Variants in MKI67 observed in about 807,000 individuals in gnomAD.
The protein encoded by MKI67 is marker of proliferation Ki-67, also known as proliferation marker protein Ki-67.
MKI67 carries 152 observed loss-of-function variants against 233.5 expected under a neutral mutation model. The observed-to-expected ratio is 0.65, with a 90% CI of 0.57 to 0.74. The LOEUF is 0.74. MKI67 is among the 30% of genes least tolerant of loss of function. MKI67 has a pLI of 0.00. For synonymous variants in MKI67, 1,465 were observed against 1,418.5 expected, an observed-to-expected ratio of 1.03 and a Z score of -0.74; for missense variants, 3,940 against 3,885.2, an observed-to-expected ratio of 1.01 and a Z score of -0.37.
intron 8 of MKI67, 36 bp downstream of exon 8, chr10:128,113,391 A>C: frequency 6.2e-7 from 1 of 1,608,806 alleles, no homozygotes; most frequent in South Asian, 1.1e-5. Context: ...TGTGTGAGCC[A>C]CTGGGCGTGA....
At chr10:128,114,515 T>G (rs1373016725) in intron 7 of MKI67, among the ~76,000 whole-genome samples, 1 of 152,240 alleles carries the variant, frequency 6.6e-6, no homozygotes, top group Non-Finnish European at 1.5e-5. Context: ...GAACTACCGC[T>G]ATGTTTAATG....
chr10:128,125,705 G>T lies in MKI67; in HGVS notation c.-38C>A. 1 of 1,555,054 alleles carries T rather than the reference G, an allele frequency of 6.4e-7. No individual in the cohort carries two copies. The highest frequency in any genetic ancestry group is 8.9e-7 in the Non-Finnish European group (1 of 1,127,660). On this transcript the variant is annotated 5_prime_UTR_variant, in exon 2 of 15. Transcript: ENST00000368654. This position sits in a 1 kb window ranked among gnomAD's most constrained non-coding sequence, Gnocchi z 5.3. ...AAGTTGAGTATAATCCGTAGGGGAAGGCCAGGTATAATCCGTAGGGGAAGG... is the reference window on the plus strand; with the variant it reads ...AAGTTGAGTATAATCCGTAGGGGAATGCCAGGTATAATCCGTAGGGGAAGG...
chr10:128,124,980 A>G (rs1238901796), intron 2 of MKI67, among the ~76,000 whole-genome samples: 1 of 152,060 alleles, frequency 6.6e-6, no homozygotes, highest in East Asian at 1.9e-4. Context: ...GGAAATGACC[A>G]CACGGGAAAT....
Position 128,107,000 on chromosome 10 carries a change from C to T in MKI67, c.4840G>A (p.Ala1614Thr). ...SMTNDKTAKV[A>T]CKSSQPDPDK... ...GGGTCTGGTTGTGAAGATTTGCAGG[C>T]TACTTTGGCAGTTTTATCGTTAGTC... Residue 1614 changes from alanine to threonine, a missense_variant, in exon 13 of 15, where the codon GCC becomes ACC. By Grantham distance (58) the Ala-to-Thr change is moderately conservative. Transcript: ENST00000368654. 6.2e-7 allele frequency: 1 copy of T among 1,612,988 alleles called. No homozygotes were observed. Among genetic ancestry groups the T allele is most frequent in the South Asian group, 1.1e-5 (1 of 91,024 alleles).
Position 128,115,981 on chromosome 10 carries a change from A to G in MKI67, c.427T>C (p.Tyr143His). The G allele has an allele frequency of 6.3e-7, 1 of 1,595,366 alleles. No individual in the cohort carries two copies. The highest frequency in any genetic ancestry group is 8.5e-7 in the Non-Finnish European group (1 of 1,173,276). ...ACTTTTCCTTCAGTGATTTTTGAATAGGCCTTGGAATCTTGAGCTTTCTCA... is the reference window on the plus strand; with the variant it reads ...ACTTTTCCTTCAGTGATTTTTGAATGGGCCTTGGAATCTTGAGCTTTCTCA... ...PDEKAQDSKA[Y>H]SKITEGKVSG... The change falls in exon 7 of 15, where the codon TAT (tyrosine) becomes CAT (histidine). Residue 143 changes from tyrosine to histidine, a missense_variant. By Grantham distance (83) the Tyr-to-His change is moderately conservative (BLOSUM62 2). Coordinates refer to ENST00000368654, the MANE Select transcript of MKI67 (RefSeq NM_002417.5).
At chr10:128,099,748 C>T (rs556545242) in intron 14 of MKI67, among the ~76,000 whole-genome samples, 12 of 152,190 alleles carry the variant, frequency 7.9e-5, no homozygotes, top group Non-Finnish European at 1.3e-4. Context: ...AAAAGCATGG[C>T]TACAAGCTTC....
intron 14 of MKI67, among the ~76,000 whole-genome samples, chr10:128,100,135 T>C (rs796593603): frequency 2.7e-4 from 41 of 152,342 alleles, no homozygotes; most frequent in African/African-American, 9.6e-4. Flanking sequence ...GGACCTTGTC[T>C]GGCACTGTCG....
intron 14 of MKI67, 76 bp from the exon 15 acceptor site, chr10:128,099,331 C>T: frequency 2.6e-6 from 3 of 1,144,496 alleles, no homozygotes; most frequent in Non-Finnish European, 3.8e-6. Flanking sequence ...CTCTGCAAAA[C>T]CCCAAAGGCT....
At chr10:128,119,401 G>A (rs566779895) in intron 4 of MKI67, 82 bp from the exon 5 acceptor site, 65 of 922,448 alleles carry the variant, frequency 7.0e-5, no homozygotes, top group Non-Finnish European at 1.1e-4. Flanking sequence ...TAATGTCCAA[G>A]GATCAACGAA....
chr10:128,106,037 G>A lies in MKI67; in HGVS notation c.5803C>T (p.Pro1935Ser), dbSNP rs1201781800. ...GTTTGTGGCCGTCTCTTGCTGCCAG[G>A]TAAATTTCCTAGCAGGTCCAGTTTC... is the stretch of plus-strand genomic sequence containing the variant. ...VEKLDLLGNL[P>S]GSKRRPQTPK... Residue 1935 changes from proline to serine, a missense_variant, in exon 13 of 15, where the codon CCT becomes TCT. Coordinates refer to ENST00000368654, the MANE Select transcript of MKI67 (RefSeq NM_002417.5). 6.8e-6 allele frequency: 11 copies of A among 1,613,962 alleles called. No homozygotes were observed. Among genetic ancestry groups the A allele is most frequent in the African/African-American group, 6.7e-5 (5 of 74,900 alleles).
Position 128,102,852 on chromosome 10 carries a change from G to A in MKI67, c.8988C>T (p.Phe2996=). The A allele has an allele frequency of 1.2e-6, 2 of 1,614,194 alleles. No individual in the cohort carries two copies. Among genetic ancestry groups the A allele is most frequent in the Non-Finnish European group, 1.7e-6 (2 of 1,180,036 alleles). The change falls in exon 13 of 15, where the codon TTC becomes TTT. Residue 2996 remains phenylalanine, a synonymous_variant. Transcript: ENST00000368654. ...KSNTSLPPLP[F]KRGGGKDGSV... ...TTCCATCTTTGCCACCTCCCCTCTTGAAGGGCAGTGGGGGCAGGGAAGTGT... is the reference window on the plus strand; with the variant it reads ...TTCCATCTTTGCCACCTCCCCTCTTAAAGGGCAGTGGGGGCAGGGAAGTGT...
At chr10:128,123,239 T>C in intron 2 of MKI67, 70 bp from the exon 3 acceptor site, 1 of 1,035,042 alleles carries the variant, frequency 9.7e-7, no homozygotes, top group Non-Finnish European at 1.5e-6. Flanking sequence ...TTTCCCAAAA[T>C]AAAACACAAT....
chr10:128,105,314 C>A lies in MKI67; in HGVS notation c.6526G>T (p.Gly2176Cys). The change falls in exon 13 of 15, where the codon GGT becomes TGT. Residue 2176 changes from glycine to cysteine, a missense_variant. By Grantham distance (159) the Gly-to-Cys change is radical. Transcript: ENST00000368654. ...QKLDPAASVT[G>C]SKRQPRTPKG... ...GGAGTTCTTGGCTGCCTCTTGCTACCAGTTACACTTGCTGCTGGGTCCAGT... is the reference window on the plus strand; with the variant it reads ...GGAGTTCTTGGCTGCCTCTTGCTACAAGTTACACTTGCTGCTGGGTCCAGT... 6.2e-7 allele frequency: 1 copy of A among 1,614,146 alleles called. No homozygotes were observed. Among genetic ancestry groups the A allele is most frequent in the South Asian group, 1.1e-5 (1 of 91,082 alleles).
In MKI67 at chr10:128,104,814, G is replaced by T; in HGVS notation, c.7026C>A (p.Cys2342Ter). The T allele has an allele frequency of 6.2e-7, 1 of 1,613,586 alleles. No individual in the cohort carries two copies. Residue 2342 changes from cysteine (C) to a stop codon, truncating the protein, a stop_gained, in exon 13 of 15, where the codon TGC becomes TGA. Coordinates refer to ENST00000368654, the MANE Select transcript of MKI67 (RefSeq NM_002417.5). LOFTEE classifies it high-confidence loss of function. ...CCACTGGGTCTGGTTGTGGAGATTT[G>T]CAGGCTATTTTGGTAGTTTTCTCAT... is the stretch of plus-strand genomic sequence containing the variant. ...TTDEKTTKIA[C>*]KSPQPDPVDT...
intron 5 of MKI67, among the ~76,000 whole-genome samples, chr10:128,117,016 T>A (rs959949823): frequency 2.0e-5 from 3 of 152,192 alleles, no homozygotes; most frequent in Non-Finnish European, 4.4e-5. Context: ...GAGCTAGTGG[T>A]CAGGATAAAA....
Position 128,107,711 on chromosome 10 carries a change from G to A in MKI67, c.4129C>T (p.Pro1377Ser), listed in dbSNP as rs1213762479. 3.7e-6 allele frequency: 6 copies of A among 1,613,706 alleles called. No individual in the cohort carries two copies. Among genetic ancestry groups the A allele is most frequent in the Non-Finnish European group, 5.1e-6 (6 of 1,179,884 alleles). ...GTTGGGGTGTCTGCTGATTCTGGTG[G>A]AGAAGATTCGCAGGGCATTTTAGTA... ...KTTKMPCESS[P>S]PESADTPTST... The change falls in exon 13 of 15, where the codon CCA becomes TCA. Residue 1377 changes from proline to serine, a missense_variant. Pro to Ser is a moderately conservative substitution (Grantham distance 74, BLOSUM62 -1). Transcript: ENST00000368654.
At position 128,103,960 on chromosome 10, in the gene MKI67, C is replaced by T. The variant is rs1369018612; in HGVS notation, c.7880G>A (p.Gly2627Glu). Residue 2627 changes from glycine to glutamate, a missense_variant, in exon 13 of 15, where the codon GGG becomes GAG. Coordinates refer to ENST00000368654, the MANE Select transcript of MKI67 (RefSeq NM_002417.5). The stretch of plus-strand genomic sequence containing the variant: ...TTCTTTGTGTGTGTGTGTGCTTTGC[C>T]CTGATGTTTGCGTGAGCCTCTCAAC... ...SAVERLTQTS[G>E]QSTHTHKEPA... 1.9e-6 allele frequency: 3 copies of T among 1,613,886 alleles called. No individual in the cohort carries two copies. The African/African-American group carries it at 4.0e-5, about 22-fold the overall frequency.
chr10:128,099,555 T>A (rs1240931079), intron 14 of MKI67, among the ~76,000 whole-genome samples: 1 of 152,188 alleles, frequency 6.6e-6, no homozygotes, highest in East Asian at 1.9e-4. Context: ...ATGCACACAT[T>A]TTCACAAACT....
intron 7 of MKI67, 145 bp downstream of exon 7, chr10:128,114,783 G>A (rs936570220): frequency 1.4e-6 from 1 of 731,738 alleles, no homozygotes; most frequent in Non-Finnish European, 2.2e-6. Context: ...AGCGAAAACA[G>A]CGTGCGTGTC....
Sources: gnomAD v4.1 joint callset for allele counts (sites outside exome capture counted in the v4.1 genomes callset) on GRCh38, gnomAD v4.1.1 for gene constraint, Gnocchi (gnomAD v3.1) non-coding constraint, MANE v1.5 for transcripts, NCBI Gene and HGNC (gene_info 2026-07-23, HGNC 2026-07-21) for gene names.